Variants in ACO1 observed in about 807,000 individuals in gnomAD.
ACO1 encodes aconitase 1, also known as cytoplasmic aconitate hydratase.
A neutral mutation model predicts 105.1 loss-of-function variants in ACO1; 78 were observed. The observed-to-expected ratio is 0.74, with a 90% CI of 0.62 to 0.90. ACO1 has a LOEUF of 0.90. Ranked by LOEUF, ACO1 falls within the 40% of genes least tolerant of loss-of-function variation. ACO1 has a pLI of 0.00. For missense variants in ACO1, 965 were observed against 1,111.1 expected, an observed-to-expected ratio of 0.87 and a Z score of 1.87; for synonymous variants, 364 against 397.4, an observed-to-expected ratio of 0.92 and a Z score of 1.00.
At chr9:32,417,110 C>T (rs941825732) in intron 4 of ACO1, among the ~76,000 whole-genome samples, 1 of 152,164 alleles carries the variant, frequency 6.6e-6, no homozygotes, top group Admixed American at 6.5e-5. Flanking sequence ...ATCCCAGTTC[C>T]ACCACTGACT....
chr9:32,386,711 G>A (rs62571701), intron 1 of ACO1, among the ~76,000 whole-genome samples: 22,958 of 152,140 alleles, frequency 0.15, 2,126 homozygotes, highest in South Asian at 0.29. Context: ...GAAGGAAATG[G>A]GATCTAAACT....
At position 32,444,510 on chromosome 9, in the gene ACO1, C is replaced by T. The variant is rs559259384; in HGVS notation, c.2370+3923C>T. On this transcript the variant is annotated intron_variant, in intron 19 of 20. Transcript: ENST00000309951. ...TGTTGTTCCCTGACTTTTTAATGAT[C>T]GCCATTCTAACTGGTGTGAGATGGT... Among the ~76,000 whole-genome samples the T allele has an allele frequency of 9.2e-5, 14 of 152,266 alleles. 1 individual carries two copies. The highest frequency in any genetic ancestry group is 5.9e-4 in the Admixed American group (9 of 15,288).
intron 1 of ACO1, among the ~76,000 whole-genome samples, chr9:32,385,488 G>A (rs1300708318): frequency 6.6e-6 from 1 of 152,206 alleles, no homozygotes; most frequent in African/African-American, 2.4e-5. Flanking sequence ...ATGTAAGTAA[G>A]ACTGAGAAAT....
chr9:32,408,513 G>C lies in ACO1; in HGVS notation c.267-1G>C. On this transcript the variant is annotated splice_acceptor_variant, in intron 3 of 20. Coordinates refer to ENST00000309951, the MANE Select transcript of ACO1 (RefSeq NM_002197.3). LOFTEE classifies it high-confidence loss of function. ...CTGCATTATTCTCTTTCTTCTCTTAGGGGTGTGCCCGCTGTGGTTGACTTT... is the reference window on the plus strand; with the variant it reads ...CTGCATTATTCTCTTTCTTCTCTTACGGGTGTGCCCGCTGTGGTTGACTTT... The C allele has an allele frequency of 6.2e-7, 1 of 1,613,896 alleles. No homozygotes were observed. Among genetic ancestry groups the C allele is most frequent in the Non-Finnish European group, 8.5e-7 (1 of 1,179,938 alleles).
rs1398393712 is a variant in ACO1, at chr9:32,434,560, C to G, written c.1958C>G (p.Thr653Ser). 1 of 1,613,920 alleles carries G rather than the reference C, an allele frequency of 6.2e-7. No individual in the cohort carries two copies. Among genetic ancestry groups the G allele is most frequent in the East Asian group, 2.2e-5 (1 of 44,884 alleles). Residue 653 changes from threonine to serine, a missense_variant and splice_region_variant, in exon 17 of 21, where the codon ACT becomes AGT. Transcript: ENST00000309951. ...IKSPPFFENLTLDLQPPKSIV... is the reference protein window; with the variant it reads ...IKSPPFFENLSLDLQPPKSIV... ...CTGACTTTTTGTATTCTTTGCTAGA[C>G]TTTGGATCTTCAGCCCCCTAAATCT...
intron 1 of ACO1, among the ~76,000 whole-genome samples, chr9:32,393,660 AG>A (rs1055346878): frequency 1.8e-4 from 27 of 152,166 alleles, no homozygotes; most frequent in African/African-American, 5.1e-4. Flanking sequence ...TTTACTGCTC[AG>A]GGGGCATCAC....
chr9:32,402,721 T>C (rs929522053), intron 1 of ACO1, among the ~76,000 whole-genome samples: 1 of 152,206 alleles, frequency 6.6e-6, no homozygotes, highest in Non-Finnish European at 1.5e-5. Context: ...GCCAAAGATC[T>C]TTCTTCTCAC....
chr9:32,389,721 C>T (rs1821227133), intron 1 of ACO1, among the ~76,000 whole-genome samples: 1 of 146,466 alleles, frequency 6.8e-6, no homozygotes, highest in Non-Finnish European at 1.5e-5. Flanking sequence ...CTCAGACATA[C>T]AAAGTGGGGA....
intron 20 of ACO1, among the ~76,000 whole-genome samples, chr9:32,449,758 T>C (rs1159235828): frequency 6.6e-6 from 1 of 152,176 alleles, no homozygotes; most frequent in Non-Finnish European, 1.5e-5. Flanking sequence ...ACCCCCATCA[T>C]TTACAGTCTG....
At chr9:32,385,652 G>A (rs759133861) in intron 1 of ACO1, among the ~76,000 whole-genome samples, 2 of 152,182 alleles carry the variant, frequency 1.3e-5, no homozygotes, top group African/African-American at 4.8e-5. Context: ...GATGTCAAGC[G>A]TAATTGAAGA....
At chr9:32,426,205 G>GTC (rs1188883232) in intron 11 of ACO1, among the ~76,000 whole-genome samples, 1 of 152,190 alleles carries the variant, frequency 6.6e-6, no homozygotes, top group Admixed American at 6.5e-5. Context: ...CTGCATAATA[G>GTC]TCTCTCTTGA....
At position 32,450,055 on chromosome 9, in the gene ACO1, A is replaced by G. The variant is rs1279948693; in HGVS notation, c.2614A>G (p.Thr872Ala). 1 of 1,614,048 alleles carries G rather than the reference A, an allele frequency of 6.2e-7. No homozygotes were observed. The highest frequency in any genetic ancestry group is 1.7e-5 in the Admixed American group (1 of 60,018). The change falls in exon 21 of 21, where the codon ACT (threonine) becomes GCT (alanine). Residue 872 changes from threonine (T) to alanine (A), a missense_variant. Coordinates refer to ENST00000309951, the MANE Select transcript of ACO1 (RefSeq NM_002197.3). ...GAGGTTTGACACTGATGTGGAGCTC[A>G]CTTATTTCCTCAACGGGGGCATCCT... ...VMRFDTDVEL[T>A]YFLNGGILNY...
In ACO1 at chr9:32,424,549, G is replaced by A. The variant is rs774323213; in HGVS notation, c.1072G>A (p.Val358Ile). The change falls in exon 10 of 21, where the codon GTT (valine) becomes ATT (isoleucine). Residue 358 changes from valine to isoleucine, a missense_variant and splice_region_variant. Coordinates refer to ENST00000309951, the MANE Select transcript of ACO1 (RefSeq NM_002197.3). ...DPSQDPDFTQ[V>I]VELDLKTVVP... ...AATTTCTTTTCTTTGGGGTCAACAGGTTGTGGAATTAGATTTGAAAACAGT... is the reference window on the plus strand; with the variant it reads ...AATTTCTTTTCTTTGGGGTCAACAGATTGTGGAATTAGATTTGAAAACAGT... 6.2e-7 allele frequency: 1 copy of A among 1,605,708 alleles called. No homozygotes were observed. Among genetic ancestry groups the A allele is most frequent in the Non-Finnish European group, 8.5e-7 (1 of 1,173,538 alleles).
At chr9:32,408,360 C>G (rs371735120) in intron 3 of ACO1, among the ~76,000 whole-genome samples, 154 bp from the exon 4 acceptor site, 1 of 152,190 alleles carries the variant, frequency 6.6e-6, no homozygotes. Context: ...TGAGGAAATA[C>G]GCTTAGAAAC....
chr9:32,440,316 T>A, intron 18 of ACO1, 149 bp from the exon 19 acceptor site: 1 of 755,548 alleles, frequency 1.3e-6, no homozygotes, highest in Non-Finnish European at 2.1e-6. Context: ...AGTAAAAAGA[T>A]CAAGATAATT....
intron 14 of ACO1, among the ~76,000 whole-genome samples, chr9:32,431,021 C>T (rs1447010145): frequency 6.6e-6 from 1 of 152,146 alleles, no homozygotes. Flanking sequence ...AATATGAAAA[C>T]AATGCCTCTG....
intron 1 of ACO1, among the ~76,000 whole-genome samples, chr9:32,386,683 G>T (rs568453557): frequency 2.6e-4 from 40 of 152,358 alleles, no homozygotes; most frequent in African/African-American, 9.4e-4. Context: ...AGGTGAGGAG[G>T]AGGAGAAGTC....
intron 4 of ACO1, among the ~76,000 whole-genome samples, chr9:32,409,160 T>A (rs1186953410): frequency 6.6e-6 from 1 of 152,238 alleles, no homozygotes; most frequent in Non-Finnish European, 1.5e-5. Context: ...TACCTGTCCT[T>A]CAAGGCCAGC....
intron 20 of ACO1, 53 bp downstream of exon 20, chr9:32,449,134 G>A: frequency 6.6e-7 from 1 of 1,514,636 alleles, no homozygotes; most frequent in Non-Finnish European, 8.8e-7. Flanking sequence ...CCCCTCGTTT[G>A]TAACCAGTCT....
Sources: gnomAD v4.1 joint callset for allele counts (sites outside exome capture counted in the v4.1 genomes callset) on GRCh38, gnomAD v4.1.1 for gene constraint, MANE v1.5 for transcripts, NCBI Gene and HGNC (gene_info 2026-07-23, HGNC 2026-07-21) for gene names.